Variants in PHKA1 observed in about 807,000 individuals in gnomAD.
PHKA1 encodes the protein phosphorylase kinase regulatory subunit alpha 1.
In PHKA1, 60 loss-of-function variants were observed where a neutral mutation model predicts 110.2. That is an observed-to-expected ratio of 0.54 (90% confidence interval 0.44 to 0.68). The LOEUF (loss-of-function observed/expected upper bound fraction) is 0.68, where lower values mean the gene tolerates loss of function less well. PHKA1 is among the 30% of genes least tolerant of loss of function. PHKA1 has a pLI of 0.00. For missense variants in PHKA1, 801 were observed against 942.5 expected (o/e 0.85, Z 1.97); for synonymous variants, 316 against 333.6 (o/e 0.95, Z 0.58).
intron 21 of PHKA1, among the ~76,000 whole-genome samples, chrX:72,614,265 A>T (rs2052858030): frequency 9.1e-6 from 1 of 109,595 alleles, no homozygotes; most frequent in African/African-American, 3.3e-5. Context: ...GTGATTGAGT[A>T]TAGATGATGA....
intron 6 of PHKA1, among the ~76,000 whole-genome samples, chrX:72,673,478 A>C (rs1393575091): frequency 8.9e-6 from 1 of 112,005 alleles, no homozygotes; most frequent in Non-Finnish European, 1.9e-5. Flanking sequence ...ATGGTAAAAA[A>C]CTTTAAATCA....
At chrX:72,644,807 G>A (rs1360524234) in intron 13 of PHKA1, among the ~76,000 whole-genome samples, 1 of 111,298 alleles carries the variant, frequency 9.0e-6, no homozygotes, top group Non-Finnish European at 1.9e-5. Context: ...AATCCATCAT[G>A]AGATTTGGTA....
At chrX:72,713,638 AACAC>A (rs782314945) in intron 1 of PHKA1, among the ~76,000 whole-genome samples, 161 bp downstream of exon 1, 1 of 103,274 alleles carries the variant, frequency 9.7e-6, no homozygotes, top group East Asian at 3.0e-4. Flanking sequence ...TACACACACA[AACAC>A]ACACGCGGAG....
chrX:72,622,653 T>C, intron 18 of PHKA1: 2 of 751,561 alleles, frequency 2.7e-6, no homozygotes, highest in Non-Finnish European at 3.1e-6. Context: ...AATAGGCTTT[T>C]TCAAACTACA....
chrX:72,622,057 C>T, intron 18 of PHKA1: 1 of 743,674 alleles, frequency 1.3e-6, no homozygotes, highest in Non-Finnish European at 1.6e-6. Context: ...GTATTTTATG[C>T]CAAGACATCA....
intron 23 of PHKA1, among the ~76,000 whole-genome samples, chrX:72,605,874 A>G (rs781975531): frequency 3.6e-5 from 4 of 112,507 alleles, no homozygotes; most frequent in African/African-American, 1.3e-4. Flanking sequence ...AATTTATTTA[A>G]AACTCACACC....
In PHKA1 at chrX:72,663,183, A is replaced by G. The variant is rs2053579573; in HGVS notation, c.864+2968T>C. On this transcript the variant is annotated intron_variant, in intron 8 of 31. Transcript: ENST00000373542. ...CAATTCATGATCTGATGAGAAATTC[A>G]ACAGATATTATTTAAAAAACAAACT... Among the ~76,000 whole-genome samples, 3 of 111,256 alleles carry G rather than the reference A, an allele frequency of 2.7e-5. No individual in the cohort carries two copies. The Admixed American group carries it at 2.9e-4, about 11-fold the overall frequency.
chrX:72,635,404 G>T, intron 15 of PHKA1, 105 bp from the exon 16 acceptor site: 1 of 720,594 alleles, frequency 1.4e-6, no homozygotes, highest in Non-Finnish European at 2.1e-6. Flanking sequence ...ATGTCACAGG[G>T]CAATGATACC....
In PHKA1 at chrX:72,650,388, AC is replaced by A; in HGVS notation, c.1324+1del. 1 of 1,199,552 alleles carries A rather than the reference AC, an allele frequency of 8.3e-7. No individual in the cohort carries two copies. Among genetic ancestry groups the A allele is most frequent in the East Asian group, 3.0e-5 (1 of 33,762 alleles). On this transcript the variant is annotated splice_donor_variant, in intron 13 of 31. Transcript: ENST00000373542. LOFTEE classifies it high-confidence loss of function. ...TCTTCCACTGGGAATAAGAATACAT[AC>A]CTTGAACCACAACATCGGGCTTCGG...
chrX:72,587,519 C>G (rs781984936), intron 29 of PHKA1, among the ~76,000 whole-genome samples: 8 of 111,730 alleles, frequency 7.2e-5, no homozygotes, highest in Admixed American at 2.8e-4. Flanking sequence ...GAAGAAACTG[C>G]ATCAACTAAC....
intron 23 of PHKA1, among the ~76,000 whole-genome samples, chrX:72,608,945 T>C (rs782703454): frequency 2.0e-4 from 22 of 112,502 alleles, no homozygotes; most frequent in Non-Finnish European, 3.9e-4. Flanking sequence ...TTCTTGGAGA[T>C]ACAGACTGTT....
At chrX:72,593,058 A>G (rs2052542688) in intron 29 of PHKA1, 46 bp downstream of exon 29, 2 of 858,987 alleles carry the variant, frequency 2.3e-6, no homozygotes, top group Admixed American at 2.2e-5. Context: ...GGAGACTGAG[A>G]ATTTCAAGGG....
intron 14 of PHKA1, among the ~76,000 whole-genome samples, chrX:72,640,982 AC>A (rs1362053851): frequency 9.0e-6 from 1 of 111,221 alleles, no homozygotes; most frequent in African/African-American, 3.3e-5. Context: ...AAATGTGCAG[AC>A]CCTATTAGAT....
At chrX:72,622,284 C>T in intron 18 of PHKA1, 1 of 753,829 alleles carries the variant, frequency 1.3e-6, no homozygotes, top group Non-Finnish European at 1.6e-6. Flanking sequence ...TCACTGAGGG[C>T]AGCAAATTTA....
At chrX:72,656,332 G>T in intron 9 of PHKA1, 90 bp from the exon 10 acceptor site, 2 of 957,030 alleles carry the variant, frequency 2.1e-6, no homozygotes, top group African/African-American at 1.9e-5. Flanking sequence ...TTTCATTACT[G>T]ATTGTTTTAG....
intron 3 of PHKA1, among the ~76,000 whole-genome samples, chrX:72,700,432 A>T (rs1275289731): frequency 8.9e-6 from 1 of 112,400 alleles, no homozygotes; most frequent in Non-Finnish European, 1.9e-5. Flanking sequence ...TATAAAAATT[A>T]TACAGGAAGC....
At chrX:72,693,785 G>A (rs1254912914) in intron 4 of PHKA1, among the ~76,000 whole-genome samples, 1 of 111,330 alleles carries the variant, frequency 9.0e-6, no homozygotes, top group Non-Finnish European at 1.9e-5. Context: ...TCCCTAAACT[G>A]GGAACTAGCT....
intron 16 of PHKA1, among the ~76,000 whole-genome samples, chrX:72,627,972 C>T (rs1406324650): frequency 9.2e-6 from 1 of 109,160 alleles, no homozygotes; most frequent in Non-Finnish European, 1.9e-5. Flanking sequence ...CGCCCGCCAC[C>T]ACGCCTGGCT....
intron 12 of PHKA1, among the ~76,000 whole-genome samples, chrX:72,651,064 C>A (rs1437472462): frequency 8.9e-6 from 1 of 112,021 alleles, no homozygotes; most frequent in African/African-American, 3.2e-5. Context: ...TCTATCTTCT[C>A]TGGATATACA....
Sources: allele counts gnomAD v4.1 joint callset (sites outside exome capture counted in the v4.1 genomes callset), GRCh38; gene constraint gnomAD v4.1.1; transcripts MANE v1.5; gene names NCBI Gene and HGNC (gene_info 2026-07-23, HGNC 2026-07-21).